The following ULK4 variants were observed in gnomAD, a reference collection of about 807,000 sequenced individuals.
The protein encoded by ULK4 is inactive serine/threonine-protein kinase ULK4.
A neutral mutation model predicts 160.6 loss-of-function variants in ULK4; 133 were observed. That is an observed-to-expected ratio of 0.83 (90% confidence interval 0.72 to 0.96). ULK4 has a LOEUF of 0.96. ULK4 is among the 40% of genes least tolerant of loss of function. ULK4 has a pLI of 0.00. For synonymous variants in ULK4, 534 were observed against 539.8 expected (o/e 0.99, Z 0.15); for missense variants, 1,580 against 1,499.5 (o/e 1.05, Z -0.89).
intron 17 of ULK4, among the ~76,000 whole-genome samples, chr3:41,870,888 CAT>C (rs1431290235): frequency 1.3e-5 from 2 of 152,172 alleles, no homozygotes; most frequent in Admixed American, 6.6e-5. Flanking sequence ...ATAATCCCCA[CAT>C]GTCAAGGGTG....
At position 41,881,300 on chromosome 3, in the gene ULK4, A is replaced by G. The variant is rs1352562707; in HGVS notation, c.1656+2574T>C. On this transcript the variant is annotated intron_variant, in intron 17 of 36. Transcript: ENST00000301831. ...AGAAACTTCTAAAAAAAAAAAAAAA[A>G]AAAAAAAAAACAGGAAAAAGATGAA... Among the ~76,000 whole-genome samples, 4 of 151,086 alleles carry G rather than the reference A, an allele frequency of 2.6e-5. No individual in the cohort carries two copies. The East Asian group carries it at 7.8e-4, about 29-fold the overall frequency.
chr3:41,918,592 A>ATTT, intron 6 of ULK4, 52 bp from the exon 7 acceptor site: 2 of 637,406 alleles, frequency 3.1e-6, no homozygotes, highest in South Asian at 2.6e-5. Context: ...ATCACCAATA[A>ATTT]TTCTTTTTTT....
chr3:41,777,892 A>T (rs2039689129), intron 21 of ULK4, among the ~76,000 whole-genome samples: 1 of 142,822 alleles, frequency 7.0e-6, no homozygotes, highest in Non-Finnish European at 1.5e-5. Context: ...AATGGGCAAA[A>T]ACTGGAAGCA....
chr3:41,817,274 G>A (rs140099205), intron 19 of ULK4, among the ~76,000 whole-genome samples: 25 of 152,248 alleles, frequency 1.6e-4, no homozygotes, highest in African/African-American at 5.8e-4. Flanking sequence ...TCAATTCACT[G>A]TTTAGCTAAA....
chr3:41,921,488 G>A (rs545740978), intron 5 of ULK4, among the ~76,000 whole-genome samples: 34 of 151,772 alleles, frequency 2.2e-4, no homozygotes, highest in Non-Finnish European at 3.8e-4. Flanking sequence ...GGTGGCAGGC[G>A]CCTGTAGTCC....
chr3:41,569,243 A>G (rs2087887341), intron 31 of ULK4, among the ~76,000 whole-genome samples: 1 of 152,104 alleles, frequency 6.6e-6, no homozygotes, highest in Admixed American at 6.5e-5. Context: ...ATGAGTGATC[A>G]ACTTAACCTC....
At chr3:41,827,829 T>C (rs1205025041) in intron 18 of ULK4, among the ~76,000 whole-genome samples, 1 of 151,920 alleles carries the variant, frequency 6.6e-6, no homozygotes, top group Non-Finnish European at 1.5e-5. Context: ...TACCAAAGCC[T>C]GGCAGAGACA....
intron 34 of ULK4, among the ~76,000 whole-genome samples, chr3:41,444,036 T>C (rs2083234616): frequency 6.6e-6 from 1 of 152,142 alleles, no homozygotes; most frequent in African/African-American, 2.4e-5. Flanking sequence ...ATTCTGTACT[T>C]CTGATTATTA....
intron 21 of ULK4, among the ~76,000 whole-genome samples, chr3:41,758,754 T>G (rs1299745816): frequency 6.6e-6 from 1 of 151,680 alleles, no homozygotes; most frequent in Non-Finnish European, 1.5e-5. Flanking sequence ...GTGCCTGTAG[T>G]CCCAGCTACT....
intron 19 of ULK4, among the ~76,000 whole-genome samples, chr3:41,803,502 T>C (rs1472586043): frequency 6.6e-6 from 1 of 152,180 alleles, no homozygotes; most frequent in Non-Finnish European, 1.5e-5. Flanking sequence ...ATTATTATTA[T>C]ACTTTAAGTT....
intron 17 of ULK4, among the ~76,000 whole-genome samples, chr3:41,857,486 T>C (rs918720543): frequency 6.6e-6 from 1 of 152,170 alleles, no homozygotes; most frequent in African/African-American, 2.4e-5. Context: ...TCTCTCCTCG[T>C]CTTATTTTAT....
At chr3:41,248,958 C>T (rs980746851) in intron 36 of ULK4, among the ~76,000 whole-genome samples, 3 of 152,208 alleles carry the variant, frequency 2.0e-5, no homozygotes, top group East Asian at 1.9e-4. Flanking sequence ...TGTCAGCTTC[C>T]GGGTGTCAAA....
At position 41,907,818 on chromosome 3, in the gene ULK4, GGAAGAAAATT is replaced by G; in HGVS notation, c.1182+17_1182+26del. ...CTTGTGAGCTTCTACATCTTATGTA[GGAAGAAAATT>G]TCCCAAGTCTGCTCACCTTGGTCAG... On this transcript the variant is annotated intron_variant, in intron 12 of 36. Coordinates refer to ENST00000301831, the MANE Select transcript of ULK4 (RefSeq NM_017886.4). The G allele has an allele frequency of 6.8e-7, 1 of 1,462,988 alleles. No individual in the cohort carries two copies. The highest frequency in any genetic ancestry group is 9.2e-7 in the Non-Finnish European group (1 of 1,084,686). 90.6% of individuals were successfully genotyped at this position (1,462,988 alleles called of 1,614,324 possible).
intron 5 of ULK4, among the ~76,000 whole-genome samples, chr3:41,921,580 AC>A (rs2148814213): frequency 6.6e-6 from 1 of 152,170 alleles, no homozygotes; most frequent in African/African-American, 2.4e-5. Flanking sequence ...GCACCACTGC[AC>A]TCCAGCCTGG....
intron 32 of ULK4, among the ~76,000 whole-genome samples, chr3:41,554,417 G>C (rs2125583023): frequency 6.6e-6 from 1 of 152,256 alleles, no homozygotes; most frequent in Middle Eastern, 3.4e-3. Flanking sequence ...ATGGATGGAG[G>C]TGGAAGTCAC....
chr3:41,547,117 G>A (rs1178446337), intron 32 of ULK4, among the ~76,000 whole-genome samples: 3 of 152,094 alleles, frequency 2.0e-5, no homozygotes, highest in Non-Finnish European at 4.4e-5. Flanking sequence ...ACCTTCTCAG[G>A]AGCACATTAT....
intron 17 of ULK4, among the ~76,000 whole-genome samples, chr3:41,883,589 A>G (rs1162815396): frequency 1.3e-5 from 2 of 152,276 alleles, no homozygotes; most frequent in Non-Finnish European, 2.9e-5. Flanking sequence ...AGACTATAAG[A>G]AAACTAGAAA....
intron 32 of ULK4, among the ~76,000 whole-genome samples, chr3:41,495,203 C>G (rs1487109775): frequency 6.6e-6 from 1 of 152,164 alleles, no homozygotes; most frequent in Non-Finnish European, 1.5e-5. Flanking sequence ...GTAACCAAAA[C>G]AGCATGGTAC....
chr3:41,921,522 G>A (rs899267462), intron 5 of ULK4, among the ~76,000 whole-genome samples: 7 of 152,176 alleles, frequency 4.6e-5, no homozygotes, highest in Admixed American at 4.6e-4. Context: ...GGCTGAGGCA[G>A]GAGAATGGCA....
Sources: allele counts gnomAD v4.1 joint callset (sites outside exome capture counted in the v4.1 genomes callset), GRCh38; gene constraint gnomAD v4.1.1; transcripts MANE v1.5; gene names NCBI Gene and HGNC (gene_info 2026-07-23, HGNC 2026-07-21).